The following PSD variants were observed in gnomAD, a reference collection of about 807,000 sequenced individuals.
The protein encoded by PSD is pleckstrin and Sec7 domain containing.
PSD carries 32 observed loss-of-function variants against 91.6 expected under a neutral mutation model. That is an observed-to-expected ratio of 0.35 (90% CI 0.26 to 0.47). The LOEUF is 0.47. Among genes scored for constraint, PSD ranks in the 20% least tolerant of loss-of-function variants. The pLI is 1.00. For synonymous variants in PSD, 532 were observed against 569.3 expected (o/e 0.93, Z 0.93); for missense variants, 1,099 against 1,373.9 (o/e 0.80, Z 3.16).
Position 102,416,815 on chromosome 10 carries a change from GA to G in PSD, c.223del (p.Ser75HisfsTer37). 6.3e-7 allele frequency: 1 copy of G among 1,599,140 alleles called. No homozygotes were observed. On this transcript the variant is annotated frameshift_variant, in exon 2 of 17. Transcript: ENST00000020673. LOFTEE classifies it high-confidence loss of function. This position sits in a 1 kb window ranked among gnomAD's most constrained non-coding sequence, Gnocchi z 6.0. ...CCAGGGTGAGGGAGCAACACGGGGT[GA>G]GGGGGGGCCACGCAGAGGTGTACAG... The part of the protein sequence containing the change: ...APCTPLRGPP[S>X]PRVAPSPWAP...
Position 102,415,095 on chromosome 10 carries a change from C to G in PSD, c.892G>C (p.Glu298Gln). ...LDTVPLRCYR[E>Q]TDIDEVLAER... Reference sequence around the variant, plus strand: ...GCCAGCACCTCATCGATGTCAGTCTCGCGGTAGCACCTCAGGGGCACCGTG... The same window carrying G: ...GCCAGCACCTCATCGATGTCAGTCTGGCGGTAGCACCTCAGGGGCACCGTG... The change falls in exon 4 of 17, where the codon GAG (glutamate) becomes CAG (glutamine). Residue 298 changes from glutamate (E) to glutamine (Q), a missense_variant. By Grantham distance (29) the Glu-to-Gln change is conservative. Transcript: ENST00000020673. The G allele has an allele frequency of 6.2e-7, 1 of 1,613,996 alleles. No individual in the cohort carries two copies. The highest frequency in any genetic ancestry group is 8.5e-7 in the Non-Finnish European group (1 of 1,180,026).
In PSD at chr10:102,403,508, G is replaced by A. The variant is rs145078725; in HGVS notation, c.2845-78C>T. ...CCCACCATCTGGACCAGGGAGGGCC[G>A]CCAGCAGGGCAGAAGATGGCAGGTG... On this transcript the variant is annotated intron_variant, in intron 16 of 16. Coordinates refer to ENST00000020673, the MANE Select transcript of PSD (RefSeq NM_002779.5). The surrounding 1 kb of genome is among the most constrained non-coding windows in gnomAD (Gnocchi z 6.7). 8.0e-4 allele frequency: 1,092 copies of A among 1,364,966 alleles called. 8 individuals are homozygous for A. The African/African-American group carries it at 0.013, about 17-fold the overall frequency. 84.6% of individuals were successfully genotyped at this position (1,364,966 alleles called of 1,614,324 possible).
intron 7 of PSD, 21 bp from the exon 8 acceptor site, chr10:102,411,840 G>T: frequency 6.4e-7 from 1 of 1,574,160 alleles, no homozygotes. Flanking sequence ...GGCAAGAGAG[G>T]GTTGCCTAGC....
In PSD at chr10:102,412,179, G is replaced by A. The variant is rs375854812; in HGVS notation, c.1797C>T (p.Val599=). ...LVAGEYLKFF[V]FTGMTLDQAL... ...CTTGGTCCAGAGTCATGCCCGTGAAGACAAAGAACTTGAGGTACTCCCCAG... is the reference window on the plus strand; with the variant it reads ...CTTGGTCCAGAGTCATGCCCGTGAAAACAAAGAACTTGAGGTACTCCCCAG... The change falls in exon 7 of 17, where the codon GTC becomes GTT. Residue 599 remains valine, a synonymous_variant. Transcript: ENST00000020673. 9.9e-6 allele frequency: 16 copies of A among 1,614,168 alleles called. No homozygotes were observed. In the African/African-American group the frequency reaches 2.1e-4, roughly 22 times the overall value.
rs748167419 is a variant in PSD at position 102,404,988 on chromosome 10, G to C, written c.2465C>G (p.Ala822Gly). The stretch of plus-strand genomic sequence containing the variant: ...GTAGTCACTGGCACGAGTGGCCAGG[G>C]CATGGTGGATGCTGATGGCATTCTT... ...ELKNAISIHH[A>G]LATRASDYSK... The change falls in exon 14 of 17, where the codon GCC (alanine) becomes GGC (glycine). Residue 822 changes from alanine (A) to glycine (G), a missense_variant. Ala to Gly is a moderately conservative substitution (Grantham distance 60). Transcript: ENST00000020673. This position sits in a 1 kb window ranked among gnomAD's most constrained non-coding sequence, Gnocchi z 5.7. 1.9e-6 allele frequency: 3 copies of C among 1,613,990 alleles called. No homozygotes were observed. Among genetic ancestry groups the C allele is most frequent in the Non-Finnish European group, 2.5e-6 (3 of 1,179,998 alleles).
rs1489988909 is a variant in PSD, at chr10:102,413,788, C to T, written c.1534G>A (p.Gly512Arg). The part of the protein sequence containing the change: ...PCHSEDSLGL[G>R]AAPLGSEPPL... ...ACTTACCTGCCAAGGGGTGCTGCCCCCAGCCCAAGGCTGTCCTCTGAGTGG... is the reference window on the plus strand; with the variant it reads ...ACTTACCTGCCAAGGGGTGCTGCCCTCAGCCCAAGGCTGTCCTCTGAGTGG... The change falls in exon 5 of 17, where the codon GGG (glycine) becomes AGG (arginine). Residue 512 changes from glycine to arginine, a missense_variant. This residue lies in a region of PSD where 631 missense variants were observed against 728.8 expected (regional missense o/e 0.87). Coordinates refer to ENST00000020673, the MANE Select transcript of PSD (RefSeq NM_002779.5). 6.2e-7 allele frequency: 1 copy of T among 1,611,926 alleles called. No individual in the cohort carries two copies.
chr10:102,408,771 G>C (rs1323974602), intron 10 of PSD: 1 of 610,818 alleles, frequency 1.6e-6, no homozygotes, highest in Non-Finnish European at 2.1e-6. Flanking sequence ...CCCGCCTCTG[G>C]CTGCCCATGA....
chr10:102,403,291 G>A lies in PSD; in HGVS notation c.2984C>T (p.Ser995Phe), dbSNP rs1324674490. 1.9e-6 allele frequency: 3 copies of A among 1,613,664 alleles called. No homozygotes were observed. The highest frequency in any genetic ancestry group is 2.5e-6 in the Non-Finnish European group (3 of 1,179,824). Reference protein sequence around the residue: ...DGLPPSHSSPSLQPKPSSQPR... With the variant: ...DGLPPSHSSPFLQPKPSSQPR... ...CTGGCTGGAGGGTTTGGGCTGCAGG[G>A]AGGGACTGGAGTGAGAAGGAGGGAG... Residue 995 changes from serine to phenylalanine, a missense_variant, in exon 17 of 17, where the codon TCC (serine) becomes TTC (phenylalanine). Around this residue, in one of 3 missense-constraint regions of PSD, gnomAD observed 358 missense variants for 426.5 expected, o/e 0.84. Coordinates refer to ENST00000020673, the MANE Select transcript of PSD (RefSeq NM_002779.5). The surrounding 1 kb of genome is among the most constrained non-coding windows in gnomAD (Gnocchi z 6.7).
In PSD at chr10:102,405,247, C is replaced by T. The variant is rs1227075825; in HGVS notation, c.2333G>A (p.Arg778Gln). 1.9e-6 allele frequency: 3 copies of T among 1,610,682 alleles called. No homozygotes were observed. Among genetic ancestry groups the T allele is most frequent in the African/African-American group, 1.3e-5 (1 of 75,032 alleles). The part of the protein sequence containing the change: ...HADPDCRKTP[R>Q]GKRGWKSFHG... ...GAAGCTCTTCCAGCCCCGCTTGCCC[C>T]GAGGTGCTGCGGGGAGAGAAGACAG... is the stretch of plus-strand genomic sequence containing the variant. The change falls in exon 13 of 17, where the codon CGG becomes CAG. Residue 778 changes from arginine (R) to glutamine (Q), a missense_variant. By Grantham distance (43) the Arg-to-Gln change is conservative. Coordinates refer to ENST00000020673, the MANE Select transcript of PSD (RefSeq NM_002779.5). The surrounding 1 kb of genome is among the most constrained non-coding windows in gnomAD (Gnocchi z 5.4).
intron 10 of PSD, among the ~76,000 whole-genome samples, chr10:102,408,312 T>G (rs1288683702): frequency 6.6e-6 from 1 of 152,154 alleles, no homozygotes; most frequent in East Asian, 1.9e-4. Flanking sequence ...ACTCTCTCAC[T>G]GCCCACAGCC....
At position 102,404,302 on chromosome 10, in the gene PSD, C is replaced by A. The variant is rs1223659080; in HGVS notation, c.2700+281G>T. On this transcript the variant is annotated intron_variant, in intron 15 of 16. Transcript: ENST00000020673. The surrounding 1 kb of genome is among the most constrained non-coding windows in gnomAD (Gnocchi z 5.7). ...GGCAGAGCTTGCAGTGAGCTGAGAT[C>A]GTGCCACGGCACTCCCACCTGGGCA... is the stretch of plus-strand genomic sequence containing the variant. Among the ~76,000 whole-genome samples the A allele has an allele frequency of 6.8e-6, 1 of 148,084 alleles. No homozygotes were observed. The highest frequency in any genetic ancestry group is 2.5e-5 in the African/African-American group (1 of 39,882).
At position 102,410,849 on chromosome 10, in the gene PSD, GC is replaced by G. The variant is rs745926427; in HGVS notation, c.2091+8del. ...CCTCCAGCGACTTCTACCCTGCCCC[GC>G]CCCCCACCTTGAGCAGCTCCCTAGG... On this transcript the variant is annotated splice_region_variant and intron_variant, in intron 10 of 16. Coordinates refer to ENST00000020673, the MANE Select transcript of PSD (RefSeq NM_002779.5). The surrounding 1 kb of genome is among the most constrained non-coding windows in gnomAD (Gnocchi z 6.0). The G allele has an allele frequency of 1.8e-5, 28 of 1,555,168 alleles. No homozygotes were observed. Among genetic ancestry groups the G allele is most frequent in the Non-Finnish European group, 2.4e-5 (27 of 1,143,648 alleles).
chr10:102,408,502 C>G (rs1240365477), intron 10 of PSD, among the ~76,000 whole-genome samples: 1 of 152,134 alleles, frequency 6.6e-6, no homozygotes, highest in African/African-American at 2.4e-5. Flanking sequence ...TGGCTCAGAC[C>G]CTTAACCCTC....
rs2061397031 is a variant in PSD at position 102,409,063 on chromosome 10, G to A, written c.2091+1795C>T. 1.0e-6 allele frequency: 1 copy of A among 985,558 alleles called. No individual in the cohort carries two copies. The highest frequency in any genetic ancestry group is 1.7e-5 in the African/African-American group (1 of 57,154). 61.1% of individuals were successfully genotyped at this position (985,558 alleles called of 1,614,324 possible). On this transcript the variant is annotated intron_variant, in intron 10 of 16. Coordinates refer to ENST00000020673, the MANE Select transcript of PSD (RefSeq NM_002779.5). The surrounding 1 kb of genome is among the most constrained non-coding windows in gnomAD (Gnocchi z 5.7). ...GCGAGCGCGAGCGCAGCCGCCCGGC[G>A]CTGCTGTGGATGCTGTTGACGCCGA...
At position 102,415,208 on chromosome 10, in the gene PSD, G is replaced by T. The variant is rs373048001; in HGVS notation, c.779C>A (p.Ala260Asp). 1 of 1,610,584 alleles carries T rather than the reference G, an allele frequency of 6.2e-7. No individual in the cohort carries two copies. The highest frequency in any genetic ancestry group is 2.2e-5 in the East Asian group (1 of 44,812). The change falls in exon 4 of 17, where the codon GCC (alanine) becomes GAC (aspartate). Residue 260 changes from alanine to aspartate, a missense_variant. Ala to Asp is a moderately radical substitution (Grantham distance 126). Transcript: ENST00000020673. ...GCCCACCCCAGGTGGAGATGGGGGG[G>T]CCTGCTCTGGGGGCTTAGCACCTGT... ...PSSGAKPPEQ[A>D]PPSPPGVGSR...
At chr10:102,408,886 C>T in intron 10 of PSD, 1 of 987,072 alleles carries the variant, frequency 1.0e-6, no homozygotes, top group African/African-American at 1.7e-5. Flanking sequence ...GCGGCCCCAA[C>T]GCCCTCACCG....
rs145677127 is a variant in PSD, at chr10:102,413,916, C to A, written c.1406G>T (p.Gly469Val). 6.5e-4 allele frequency: 1,044 copies of A among 1,614,032 alleles called. 3 individuals are homozygous for A. The highest frequency in any genetic ancestry group is 6.3e-3 in the Middle Eastern group (38 of 6,060). Residue 469 changes from glycine to valine, a missense_variant, in exon 5 of 17, where the codon GGT (glycine) becomes GTT (valine). Physicochemically the swap from Gly to Val is moderately radical, Grantham distance 109 (BLOSUM62 -3). Transcript: ENST00000020673. ...APLAPLEPDS[G>V]TSSAADGPWT... The stretch of plus-strand genomic sequence containing the variant: ...AGGACCATCAGCAGCAGAGCTGGTA[C>A]CAGAATCCGGTTCAAGAGGGGCAAG...
At position 102,412,488 on chromosome 10, in the gene PSD, C is replaced by A; in HGVS notation, c.1641G>T (p.Leu547Phe). 6.2e-7 allele frequency: 1 copy of A among 1,614,118 alleles called. No homozygotes were observed. Among genetic ancestry groups the A allele is most frequent in the Non-Finnish European group, 8.5e-7 (1 of 1,180,038 alleles). ...ERLALGSTDT[L>F]SNGQKADLEA... ...CCAGGTCCGCTTTCTGCCCATTGGACAAGGTGTCTGTGCTTCCCAGGGCCA... is the reference window on the plus strand; with the variant it reads ...CCAGGTCCGCTTTCTGCCCATTGGAAAAGGTGTCTGTGCTTCCCAGGGCCA... Residue 547 changes from leucine (L) to phenylalanine (F), a missense_variant, in exon 6 of 17, where the codon TTG becomes TTT. By Grantham distance (22) the Leu-to-Phe change is conservative. Transcript: ENST00000020673.
chr10:102,417,631 T>C (rs1318761262), intron 1 of PSD, among the ~76,000 whole-genome samples: 1 of 151,466 alleles, frequency 6.6e-6, no homozygotes, highest in African/African-American at 2.4e-5. Flanking sequence ...AGGCACAGCA[T>C]GGAAGTGGGG....
Sources: gnomAD v4.1 joint callset for allele counts (sites outside exome capture counted in the v4.1 genomes callset) on GRCh38, gnomAD v4.1.1 for gene constraint, gnomAD v4.1.1 regional missense constraint, Gnocchi (gnomAD v3.1) non-coding constraint, MANE v1.5 for transcripts, NCBI Gene and HGNC (gene_info 2026-07-23, HGNC 2026-07-21) for gene names.